The following CHRM3 variants were observed in gnomAD, a reference collection of about 807,000 sequenced individuals.
The protein encoded by CHRM3 is cholinergic receptor muscarinic 3.
A neutral mutation model predicts 41.8 loss-of-function variants in CHRM3; 11 were observed. The observed-to-expected ratio is 0.26, with a 90% CI of 0.17 to 0.44. CHRM3 has a LOEUF of 0.44. CHRM3 is among the 20% of genes least tolerant of loss of function. CHRM3 has a pLI of 1.00. For missense variants in CHRM3, 571 were observed against 745.4 expected (o/e 0.77, Z 2.72); for synonymous variants, 297 against 301.4 (o/e 0.99, Z 0.15).
intron 2 of CHRM3, among the ~76,000 whole-genome samples, chr1:239,499,223 T>A (rs1668070051): frequency 6.6e-6 from 1 of 152,158 alleles, no homozygotes; most frequent in Admixed American, 6.5e-5. Flanking sequence ...GATCATTCGG[T>A]GCTATTTCAT....
At chr1:239,470,408 A>C (rs1039631694) in intron 1 of CHRM3, among the ~76,000 whole-genome samples, 2 of 152,270 alleles carry the variant, frequency 1.3e-5, no homozygotes, top group South Asian at 4.1e-4. Context: ...AGTTTGTGGT[A>C]ATTTGCTATG....
intron 5 of CHRM3, among the ~76,000 whole-genome samples, chr1:239,693,074 C>T (rs770128336): frequency 6.6e-6 from 1 of 152,172 alleles, no homozygotes; most frequent in Non-Finnish European, 1.5e-5. Context: ...TGTTCATGCA[C>T]GCCTGTGCTT....
At chr1:239,607,080 A>AT (rs199839027) in intron 3 of CHRM3, among the ~76,000 whole-genome samples, 40 of 152,132 alleles carry the variant, frequency 2.6e-4, no homozygotes, top group South Asian at 6.2e-4. Flanking sequence ...AAAACGTGTG[A>AT]TTTTTTTTGT....
intron 2 of CHRM3, among the ~76,000 whole-genome samples, chr1:239,531,663 TTTTTTTTTTTTTTG>T (rs1328637851): frequency 4.4e-5 from 5 of 113,912 alleles, no homozygotes; most frequent in Admixed American, 2.7e-4. Context: ...TTTTTTTTTT[TTTTTTTTTTTTTTG>T]GAGGCAGAGT....
intron 3 of CHRM3, among the ~76,000 whole-genome samples, chr1:239,629,837 CTTCT>C (rs1669603846): frequency 6.6e-6 from 1 of 152,002 alleles, no homozygotes; most frequent in South Asian, 2.1e-4. Context: ...GTTTTGTTTT[CTTCT>C]TTATTTGGCT....
At chr1:239,802,614 C>T (rs191318650) in intron 5 of CHRM3, among the ~76,000 whole-genome samples, 186 of 152,132 alleles carry the variant, frequency 1.2e-3, no homozygotes, top group African/African-American at 4.3e-3. Context: ...TTTTTGTTTT[C>T]GAGACAGGGT....
intron 1 of CHRM3, among the ~76,000 whole-genome samples, chr1:239,394,009 A>G (rs1002578694): frequency 6.6e-6 from 1 of 152,104 alleles, no homozygotes; most frequent in Non-Finnish European, 1.5e-5. Flanking sequence ...CACATCTTTC[A>G]TATCAGTATC....
chr1:239,854,314 C>T (rs1251965624), intron 6 of CHRM3, among the ~76,000 whole-genome samples: 2 of 151,998 alleles, frequency 1.3e-5, no homozygotes, highest in Non-Finnish European at 2.9e-5. Context: ...GTCATTCATT[C>T]ATAAAATACC....
intron 3 of CHRM3, among the ~76,000 whole-genome samples, chr1:239,590,561 TA>T (rs1664016078): frequency 6.6e-6 from 1 of 152,108 alleles, no homozygotes; most frequent in Admixed American, 6.5e-5. Flanking sequence ...TCTTTATAAT[TA>T]AAAAAATTAG....
intron 5 of CHRM3, among the ~76,000 whole-genome samples, chr1:239,710,882 A>G (rs982703119): frequency 5.3e-5 from 8 of 151,882 alleles, no homozygotes; most frequent in Admixed American, 3.9e-4. Flanking sequence ...AACTTCATTC[A>G]TGCTATACCT....
chr1:239,433,177 T>C (rs535273875), intron 1 of CHRM3, among the ~76,000 whole-genome samples: 1 of 152,306 alleles, frequency 6.6e-6, no homozygotes, highest in East Asian at 1.9e-4. Flanking sequence ...AAGAATCTTA[T>C]CCTATTCTAA....
intron 2 of CHRM3, among the ~76,000 whole-genome samples, chr1:239,519,863 TCAG>T (rs2148256144): frequency 6.8e-6 from 1 of 147,402 alleles, no homozygotes; most frequent in Admixed American, 6.8e-5. Flanking sequence ...TTCTCCTGCC[TCAG>T]CCTCCCTAGT....
At chr1:239,459,340 G>A (rs1387244115) in intron 1 of CHRM3, among the ~76,000 whole-genome samples, 1 of 151,962 alleles carries the variant, frequency 6.6e-6, no homozygotes, top group Non-Finnish European at 1.5e-5. Flanking sequence ...ACAAAATATG[G>A]CTGAAAATAC....
At chr1:239,569,806 T>C (rs964729494) in intron 3 of CHRM3, among the ~76,000 whole-genome samples, 31 of 152,252 alleles carry the variant, frequency 2.0e-4, no homozygotes, top group African/African-American at 7.5e-4. Context: ...AGTCTGGTCA[T>C]AAATGTCTGG....
At chr1:239,800,427 G>C (rs2148915361) in intron 5 of CHRM3, among the ~76,000 whole-genome samples, 1 of 152,314 alleles carries the variant, frequency 6.6e-6, no homozygotes, top group African/African-American at 2.4e-5. Flanking sequence ...TCAGTTAAGT[G>C]TCTGCTGATT....
At chr1:239,603,500 A>G (rs1387295636) in intron 3 of CHRM3, among the ~76,000 whole-genome samples, 2 of 152,092 alleles carry the variant, frequency 1.3e-5, no homozygotes, top group Non-Finnish European at 2.9e-5. Context: ...GATGGTGTTC[A>G]GTTAGCATTT....
chr1:239,865,169 C>T (rs1162942516), intron 6 of CHRM3, among the ~76,000 whole-genome samples: 2 of 152,164 alleles, frequency 1.3e-5, no homozygotes, highest in Admixed American at 6.5e-5. Flanking sequence ...TGTAAAGGAA[C>T]ATGGAATCTC....
At chr1:239,432,285 A>G (rs1159286375) in intron 1 of CHRM3, among the ~76,000 whole-genome samples, 1 of 152,074 alleles carries the variant, frequency 6.6e-6, no homozygotes, top group Non-Finnish European at 1.5e-5. Flanking sequence ...TAGAAACAGC[A>G]TGTTTTTTGT....
chr1:239,766,831 C>T (rs1216908309), intron 5 of CHRM3, among the ~76,000 whole-genome samples: 2 of 152,216 alleles, frequency 1.3e-5, no homozygotes, highest in South Asian at 2.1e-4. Flanking sequence ...CCTGTCTCAG[C>T]CTCCTGAGTA....
Sources: gnomAD v4.1 joint callset for allele counts (sites outside exome capture counted in the v4.1 genomes callset) on GRCh38, gnomAD v4.1.1 for gene constraint, MANE v1.5 for transcripts, NCBI Gene and HGNC (gene_info 2026-07-23, HGNC 2026-07-21) for gene names.